AKAP19: variants seen among roughly 807,000 people sequenced by gnomAD.
AKAP19 encodes the protein small A-kinase anchoring protein.
chr2:189,918,076 C>T, the AKAP19 span, among the ~76,000 whole-genome samples: 1 of 151,566 alleles, frequency 6.6e-6, no homozygotes, highest in Non-Finnish European at 1.5e-5. Flanking sequence ...GAAACCTTAC[C>T]TCCCTTTATG....
At chr2:189,924,179 AT>A in the AKAP19 span, 3 of 1,522,822 alleles carry the variant, frequency 2.0e-6, no homozygotes, top group Non-Finnish European at 2.7e-6. Flanking sequence ...GAAGGAGAGG[AT>A]GACAGAGACA....
the AKAP19 span, among the ~76,000 whole-genome samples, chr2:189,914,516 C>T: frequency 6.6e-6 from 1 of 152,084 alleles, no homozygotes; most frequent in Admixed American, 6.5e-5. Context: ...GAAATTATGG[C>T]TATTTCATGA....
the AKAP19 span, among the ~76,000 whole-genome samples, chr2:190,193,030 G>A: frequency 1.3e-5 from 2 of 151,978 alleles, no homozygotes; most frequent in Admixed American, 6.6e-5. Context: ...TGGGACTTCC[G>A]GTAAAATATC....
chr2:190,044,473 T>C, the AKAP19 span, among the ~76,000 whole-genome samples: 7 of 152,098 alleles, frequency 4.6e-5, no homozygotes, highest in Admixed American at 1.3e-4. Context: ...ACACTTTGGG[T>C]CTTTGCTCCT....
the AKAP19 span, among the ~76,000 whole-genome samples, chr2:190,166,656 G>C: frequency 9.2e-5 from 14 of 152,112 alleles, no homozygotes; most frequent in South Asian, 1.2e-3. Flanking sequence ...ACAGATCAAA[G>C]TAGAGAAACC....
chr2:190,191,679 C>A, the AKAP19 span, among the ~76,000 whole-genome samples: 1 of 152,200 alleles, frequency 6.6e-6, no homozygotes, highest in Non-Finnish European at 1.5e-5. Flanking sequence ...ATAGTGGTTT[C>A]TTATCATGGC....
the AKAP19 span, among the ~76,000 whole-genome samples, chr2:189,986,252 C>T: frequency 3.3e-5 from 5 of 152,006 alleles, no homozygotes; most frequent in African/African-American, 4.8e-5. Context: ...TTGTGACCTT[C>T]GCTTTTTTTG....
the AKAP19 span, among the ~76,000 whole-genome samples, chr2:190,023,999 A>C: frequency 1.3e-5 from 2 of 151,860 alleles, no homozygotes; most frequent in Non-Finnish European, 2.9e-5. Flanking sequence ...ATTTTTTTGT[A>C]CCTATAAACG....
the AKAP19 span, among the ~76,000 whole-genome samples, chr2:189,898,279 A>G: frequency 6.6e-6 from 1 of 152,172 alleles, no homozygotes; most frequent in Non-Finnish European, 1.5e-5. Flanking sequence ...GCTAACATCC[A>G]TTGAAAACTT....
the AKAP19 span, among the ~76,000 whole-genome samples, chr2:189,929,660 T>C: frequency 9.7e-4 from 147 of 152,208 alleles, no homozygotes; most frequent in Non-Finnish European, 1.8e-3. Context: ...ATATAGCACT[T>C]ATAACAGATT....
chr2:190,023,823 A>G, the AKAP19 span, among the ~76,000 whole-genome samples: 1 of 149,270 alleles, frequency 6.7e-6, no homozygotes, highest in Non-Finnish European at 1.5e-5. Flanking sequence ...ATATATACAT[A>G]TATATACTTT....
chr2:190,045,016 G>C, the AKAP19 span, among the ~76,000 whole-genome samples: 1 of 152,172 alleles, frequency 6.6e-6, no homozygotes, highest in Non-Finnish European at 1.5e-5. Flanking sequence ...TCAGCCCCCA[G>C]TTGCTTCAGG....
At chr2:189,942,279 T>A in the AKAP19 span, among the ~76,000 whole-genome samples, 3 of 152,176 alleles carry the variant, frequency 2.0e-5, no homozygotes, top group Admixed American at 2.0e-4. Flanking sequence ...CTCAACTCTG[T>A]TTCTTGCTCC....
At chr2:190,033,501 A>G in the AKAP19 span, among the ~76,000 whole-genome samples, 2 of 152,212 alleles carry the variant, frequency 1.3e-5, no homozygotes, top group African/African-American at 2.4e-5. Flanking sequence ...TATCTTTGCA[A>G]AATTGCTAAC....
At chr2:190,023,162 T>C in the AKAP19 span, among the ~76,000 whole-genome samples, 1 of 152,224 alleles carries the variant, frequency 6.6e-6, no homozygotes, top group Non-Finnish European at 1.5e-5. Context: ...TGTTCAAATG[T>C]GATTACTACT....
At chr2:190,148,019 T>G in the AKAP19 span, among the ~76,000 whole-genome samples, 5 of 152,286 alleles carry the variant, frequency 3.3e-5, no homozygotes, top group Non-Finnish European at 7.4e-5. Flanking sequence ...GTCTGATTGC[T>G]CTGGCTAGGA....
At chr2:189,907,053 G>C in the AKAP19 span, among the ~76,000 whole-genome samples, 6 of 152,056 alleles carry the variant, frequency 3.9e-5, no homozygotes, top group African/African-American at 1.4e-4. Flanking sequence ...CTTCCTAATT[G>C]ACCCCTTAAT....
the AKAP19 span, among the ~76,000 whole-genome samples, chr2:190,145,791 TTCTC>T: frequency 9.3e-5 from 14 of 151,142 alleles, no homozygotes; most frequent in African/African-American, 3.2e-4. Context: ...CAACTCATGA[TTCTC>T]TCTCTGTATA....
the AKAP19 span, among the ~76,000 whole-genome samples, chr2:189,892,909 C>T: frequency 6.6e-6 from 1 of 152,204 alleles, no homozygotes. Context: ...AGGCTGCTGC[C>T]TTTCTTTCAG....
Sources: gnomAD v4.1 joint callset for allele counts (sites outside exome capture counted in the v4.1 genomes callset) on GRCh38, gnomAD v4.1.1 for gene constraint, MANE v1.5 for transcripts, NCBI Gene and HGNC (gene_info 2026-07-23, HGNC 2026-07-21) for gene names.